Variants in SKAP1 observed in about 807,000 individuals in gnomAD.
SKAP1 encodes src kinase-associated phosphoprotein 1.
In SKAP1, 44 loss-of-function variants were observed where a neutral mutation model predicts 58.5. That is an observed-to-expected ratio of 0.75 (90% confidence interval 0.59 to 0.97). The LOEUF (loss-of-function observed/expected upper bound fraction) is 0.97. Ranked by LOEUF, SKAP1 falls within the 50% of genes least tolerant of loss-of-function variation. SKAP1 has a pLI of 0.00. For missense variants in SKAP1, 390 were observed against 435.2 expected (o/e 0.90, Z 0.92); for synonymous variants, 127 against 149.7 (o/e 0.85, Z 1.11).
intron 1 of SKAP1, among the ~76,000 whole-genome samples, chr17:48,426,668 C>T (rs1421355006): frequency 6.6e-6 from 1 of 152,180 alleles, no homozygotes; most frequent in African/African-American, 2.4e-5. Flanking sequence ...ATTTCCTCCT[C>T]TTTCAATAAA....
intron 11 of SKAP1, among the ~76,000 whole-genome samples, chr17:48,154,225 C>G (rs2063941713): frequency 6.6e-6 from 1 of 152,228 alleles, no homozygotes; most frequent in African/African-American, 2.4e-5. Context: ...ACTAGACTGG[C>G]TGTGGAGCCA....
chr17:48,261,754 G>A (rs931788364), intron 4 of SKAP1, among the ~76,000 whole-genome samples: 4 of 152,108 alleles, frequency 2.6e-5, no homozygotes, highest in South Asian at 2.1e-4. Flanking sequence ...ATTTGGTGTC[G>A]TTGTTTTCTA....
chr17:48,244,550 C>T (rs534446961), intron 4 of SKAP1, among the ~76,000 whole-genome samples: 106 of 152,288 alleles, frequency 7.0e-4, no homozygotes, highest in Non-Finnish European at 1.3e-3. Context: ...AAGCTTCACT[C>T]ACAGCTGGGC....
In SKAP1 at chr17:48,220,873, A is replaced by AAAAAG. The variant is rs2064996937; in HGVS notation, c.281-31378_281-31374dup. Among the ~76,000 whole-genome samples the AAAAAG allele has an allele frequency of 7.9e-3, 725 of 91,588 alleles. 6 individuals are homozygous for AAAAAG. Among genetic ancestry groups the AAAAAG allele is most frequent in the African/African-American group, 0.014 (383 of 27,134 alleles). 60.1% of individuals were successfully genotyped at this position (91,588 alleles called of 152,430 possible). On this transcript the variant is annotated intron_variant, in intron 4 of 12. Transcript: ENST00000336915. ...ATCTCAAAAAAAAAAAAAAAAAAAAAAAAAGAAAAGAAAAAAAAAAGAAAG... is the reference window on the plus strand; with the variant it reads ...ATCTCAAAAAAAAAAAAAAAAAAAAAAAAAGAAAAGAAAAGAAAAAAAAAAGAAAG...
At chr17:48,303,886 A>G (rs538848732) in intron 4 of SKAP1, among the ~76,000 whole-genome samples, 89 of 152,332 alleles carry the variant, frequency 5.8e-4, no homozygotes, top group African/African-American at 2.0e-3. Flanking sequence ...TAGACTATTC[A>G]GGAGTGTGAA....
chr17:48,180,109 C>T lies in SKAP1; in HGVS notation c.771G>A (p.Gly257=), dbSNP rs1488010185. 2 of 1,612,584 alleles carry T rather than the reference C, an allele frequency of 1.2e-6. No individual in the cohort carries two copies. Among genetic ancestry groups the T allele is most frequent in the East Asian group, 2.2e-5 (1 of 44,836 alleles). ...CTTTCTCCTCTGTAGGCTCTTTTAT[C>T]CCCACACTCCCAGGCAAGATAGTGG... ...CRPTILPGSV[G]IKEPTEEKEE... Residue 257 remains glycine (G), a synonymous_variant, in exon 9 of 13, where the codon GGG becomes GGA. Coordinates refer to ENST00000336915, the MANE Select transcript of SKAP1 (RefSeq NM_003726.4).
In SKAP1 at chr17:48,133,490, G is replaced by A. The variant is rs2063664259; in HGVS notation, c.*334C>T. The A allele has an allele frequency of 6.6e-6, 1 of 152,228 alleles. No homozygotes were observed. The highest frequency in any genetic ancestry group is 1.5e-5 in the Non-Finnish European group (1 of 68,048). 9.4% of individuals were successfully genotyped at this position (152,228 alleles called of 1,614,324 possible). A position where few individuals can be genotyped will look rare whatever the true frequency, so the allele number is the denominator to read the frequency against. On this transcript the variant is annotated 3_prime_UTR_variant, in exon 13 of 13. Transcript: ENST00000336915. ...TTATTTGTGCTTTTCAAACCAGCCA[G>A]AACAACCAGTAATGTCCTCCTCCCA...
At chr17:48,190,370 C>T (rs12948810) in intron 4 of SKAP1, among the ~76,000 whole-genome samples, 84,718 of 151,736 alleles carry the variant, frequency 0.56, 24,618 homozygotes, top group East Asian at 0.77. Flanking sequence ...CGTTGGCCTC[C>T]CAAAGTGCTG....
At chr17:48,161,732 C>T (rs751513049) in intron 11 of SKAP1, among the ~76,000 whole-genome samples, 3 of 152,148 alleles carry the variant, frequency 2.0e-5, no homozygotes, top group Non-Finnish European at 4.4e-5. Flanking sequence ...ATTGAGTTAA[C>T]GAGCTCTGAC....
At chr17:48,439,490 A>C in the SKAP1 span, among the ~76,000 whole-genome samples, 2 of 152,210 alleles carry the variant, frequency 1.3e-5, no homozygotes, top group Non-Finnish European at 2.9e-5. Context: ...ACGAAAGAAA[A>C]AATTGATGGT....
At chr17:48,155,242 C>T (rs2143197503) in intron 11 of SKAP1, among the ~76,000 whole-genome samples, 1 of 151,512 alleles carries the variant, frequency 6.6e-6, no homozygotes, top group African/African-American at 2.4e-5. Flanking sequence ...AGTCTCCTGC[C>T]TCAGCTTCCC....
intron 4 of SKAP1, among the ~76,000 whole-genome samples, chr17:48,301,429 C>T (rs997340015): frequency 6.6e-6 from 1 of 152,094 alleles, no homozygotes; most frequent in Non-Finnish European, 1.5e-5. Flanking sequence ...ATGGTAGAGA[C>T]TCCATGAGTA....
the SKAP1 span, among the ~76,000 whole-genome samples, chr17:48,440,266 C>CA: frequency 6.6e-6 from 1 of 152,202 alleles, no homozygotes; most frequent in African/African-American, 2.4e-5. Flanking sequence ...CCTGGCCCTA[C>CA]ATAGGCTTCA....
intron 2 of SKAP1, among the ~76,000 whole-genome samples, chr17:48,386,794 C>CTA (rs770896250): frequency 2.5e-4 from 38 of 152,274 alleles, no homozygotes; most frequent in South Asian, 6.2e-4. Flanking sequence ...CAACTATTAG[C>CTA]TACATACACT....
intron 7 of SKAP1, among the ~76,000 whole-genome samples, chr17:48,184,147 G>A (rs1326874701): frequency 6.6e-6 from 1 of 152,098 alleles, no homozygotes; most frequent in Admixed American, 6.5e-5. Context: ...TTCAAACTGA[G>A]CACAGTACGG....
chr17:48,214,005 A>G (rs1460191284), intron 4 of SKAP1, among the ~76,000 whole-genome samples: 1 of 152,232 alleles, frequency 6.6e-6, no homozygotes, highest in Admixed American at 6.5e-5. Flanking sequence ...AAGATAAACA[A>G]AGAGGGACAT....
intron 11 of SKAP1, among the ~76,000 whole-genome samples, chr17:48,159,171 T>C (rs1007717920): frequency 5.3e-5 from 8 of 152,150 alleles, no homozygotes; most frequent in African/African-American, 1.7e-4. Flanking sequence ...ACAAAAGAGC[T>C]GGTAATTTAA....
chr17:48,270,954 G>C (rs1464189724), intron 4 of SKAP1, among the ~76,000 whole-genome samples: 1 of 151,646 alleles, frequency 6.6e-6, no homozygotes, highest in African/African-American at 2.4e-5. Context: ...CGGGGGGAGG[G>C]GGTTGGTGGG....
chr17:48,143,551 T>C (rs2143056430), intron 11 of SKAP1, among the ~76,000 whole-genome samples: 1 of 152,232 alleles, frequency 6.6e-6, no homozygotes. Flanking sequence ...TACTGTCCAT[T>C]TTCCGACACT....
Sources: gnomAD v4.1 joint callset for allele counts (sites outside exome capture counted in the v4.1 genomes callset) on GRCh38, gnomAD v4.1.1 for gene constraint, MANE v1.5 for transcripts, NCBI Gene and HGNC (gene_info 2026-07-23, HGNC 2026-07-21) for gene names.